The following AUTS2 variants were observed in gnomAD, a reference collection of about 807,000 sequenced individuals.
AUTS2 encodes autism susceptibility gene 2 protein.
A neutral mutation model predicts 112.4 loss-of-function variants in AUTS2; 17 were observed. That is an observed-to-expected ratio of 0.15 (90% CI 0.10 to 0.23). The LOEUF (loss-of-function observed/expected upper bound fraction) is 0.23, where lower values mean the gene tolerates loss of function less well. Among genes scored for constraint, AUTS2 ranks in the 10% least tolerant of loss-of-function variants. AUTS2 has a pLI of 1.00. For missense variants in AUTS2, 1,510 were observed against 1,701.6 expected (o/e 0.89, Z 1.98); for synonymous variants, 751 against 702.7 (o/e 1.07, Z -1.09).
chr7:70,191,711 T>C (rs1381773347), intron 4 of AUTS2, among the ~76,000 whole-genome samples: 1 of 152,182 alleles, frequency 6.6e-6, no homozygotes, highest in Non-Finnish European at 1.5e-5. Context: ...TGCAACAGAT[T>C]GTTTGTAACC....
intron 4 of AUTS2, among the ~76,000 whole-genome samples, chr7:70,336,887 T>G (rs911542720): frequency 6.6e-6 from 1 of 152,218 alleles, no homozygotes; most frequent in Non-Finnish European, 1.5e-5. Context: ...CTACTTCTCC[T>G]TTAGAAGCTT....
At position 70,135,286 on chromosome 7, in the gene AUTS2, T is replaced by C. The variant is rs940136988; in HGVS notation, c.660+715T>C. Among the ~76,000 whole-genome samples, 3 of 152,238 alleles carry C rather than the reference T, an allele frequency of 2.0e-5. No homozygotes were observed. In the East Asian group the frequency reaches 5.8e-4, roughly 29 times the overall value. On this transcript the variant is annotated intron_variant, in intron 4 of 18. Coordinates refer to ENST00000342771, the MANE Select transcript of AUTS2 (RefSeq NM_015570.4). Reference sequence around the variant, plus strand: ...CTCCTTTCTGGATTTAGTGACCCTTTTCAAGATACAAATGAAAAAGAGTGA... The same window carrying C: ...CTCCTTTCTGGATTTAGTGACCCTTCTCAAGATACAAATGAAAAAGAGTGA...
At chr7:70,298,648 T>A (rs892125897) in intron 4 of AUTS2, among the ~76,000 whole-genome samples, 1 of 152,210 alleles carries the variant, frequency 6.6e-6, no homozygotes, top group African/African-American at 2.4e-5. Context: ...GGCTGAGGCA[T>A]GAAGGATCTA....
chr7:69,817,606 G>A (rs1414612320), intron 1 of AUTS2, among the ~76,000 whole-genome samples: 1 of 152,210 alleles, frequency 6.6e-6, no homozygotes, highest in Non-Finnish European at 1.5e-5. Flanking sequence ...GTTGCTGAGG[G>A]AGGGGACTTT....
intron 2 of AUTS2, among the ~76,000 whole-genome samples, chr7:69,916,849 A>G (rs936413287): frequency 6.6e-6 from 1 of 152,172 alleles, no homozygotes; most frequent in Admixed American, 6.5e-5. Flanking sequence ...CTGACTTCTC[A>G]GCCTCTAATC....
At chr7:70,328,654 G>A (rs6460543) in intron 4 of AUTS2, among the ~76,000 whole-genome samples, 44,207 of 151,996 alleles carry the variant, frequency 0.29, 6,748 homozygotes, top group African/African-American at 0.38. Flanking sequence ...AAGTTTCTGT[G>A]CAAGAGAGCA....
At chr7:70,465,466 T>C (rs1315589444) in intron 5 of AUTS2, among the ~76,000 whole-genome samples, 2 of 152,180 alleles carry the variant, frequency 1.3e-5, no homozygotes, top group Admixed American at 6.5e-5. Flanking sequence ...GTAAAATCCT[T>C]GGATATTTTC....
chr7:69,609,627 C>G (rs1792920024), intron 1 of AUTS2, among the ~76,000 whole-genome samples: 1 of 152,172 alleles, frequency 6.6e-6, no homozygotes, highest in Non-Finnish European at 1.5e-5. Context: ...GCCTAGCAAT[C>G]TGTGGAAACT....
chr7:70,638,511 G>A (rs571667277), intron 5 of AUTS2, among the ~76,000 whole-genome samples: 7 of 152,082 alleles, frequency 4.6e-5, no homozygotes, highest in South Asian at 2.1e-4. Context: ...TTATGCCGTC[G>A]TTGGCATTAC....
chr7:69,745,938 A>G (rs1173880223), intron 1 of AUTS2, among the ~76,000 whole-genome samples: 1 of 152,192 alleles, frequency 6.6e-6, no homozygotes, highest in Non-Finnish European at 1.5e-5. Context: ...CAGGAGCACG[A>G]TCATAGCTCA....
Position 69,614,775 on chromosome 7 carries a change from C to T in AUTS2, c.309+14813C>T, listed in dbSNP as rs79862875. 1.6e-3 allele frequency among the ~76,000 whole-genome samples: 245 copies of T among 152,254 alleles called. 1 individual carries two copies. Among genetic ancestry groups the T allele is most frequent in the African/African-American group, 4.5e-3 (185 of 41,530 alleles). The stretch of plus-strand genomic sequence containing the variant: ...CTGGGATTACAGGTGTGAGCCACTG[C>T]GCCCATCTGAGTGTCCGTATGAAGA... On this transcript the variant is annotated intron_variant, in intron 1 of 18. Transcript: ENST00000342771.
intron 5 of AUTS2, among the ~76,000 whole-genome samples, chr7:70,465,877 C>A (rs1307898112): frequency 6.6e-6 from 1 of 151,538 alleles, no homozygotes; most frequent in Non-Finnish European, 1.5e-5. Flanking sequence ...AGGCTGCTTG[C>A]TGGGGGAGAC....
chr7:70,031,499 C>T (rs1321653348), intron 2 of AUTS2, among the ~76,000 whole-genome samples: 1 of 152,124 alleles, frequency 6.6e-6, no homozygotes, highest in Non-Finnish European at 1.5e-5. Flanking sequence ...TTAGTTCAAT[C>T]AGCCATAAAG....
At position 70,546,111 on chromosome 7, in the gene AUTS2, A is replaced by T. The variant is rs567446382; in HGVS notation, c.690+110330A>T. On this transcript the variant is annotated intron_variant, in intron 5 of 18. Transcript: ENST00000342771. The stretch of plus-strand genomic sequence containing the variant: ...TGCTTGGAAAATTAACAAAATTAAA[A>T]TTTACATATAGATCAGTGAAAACAC... Among the ~76,000 whole-genome samples the T allele has an allele frequency of 3.3e-5, 5 of 152,318 alleles. No homozygotes were observed. In the South Asian group the frequency reaches 1.0e-3, roughly 32 times the overall value.
intron 6 of AUTS2, among the ~76,000 whole-genome samples, chr7:70,761,463 AG>A (rs1291371468): frequency 1.8e-4 from 28 of 152,368 alleles, no homozygotes; most frequent in African/African-American, 6.7e-4. Flanking sequence ...TTCATTTCAA[AG>A]GATGTTGTCA....
intron 1 of AUTS2, among the ~76,000 whole-genome samples, chr7:69,790,263 C>A (rs1789556872): frequency 6.6e-6 from 1 of 152,140 alleles, no homozygotes; most frequent in Non-Finnish European, 1.5e-5. Context: ...TGCACTCCAG[C>A]CTAGGTGACA....
At chr7:70,544,640 C>CTT (rs1265742832) in intron 5 of AUTS2, among the ~76,000 whole-genome samples, 6 of 152,138 alleles carry the variant, frequency 3.9e-5, no homozygotes, top group Non-Finnish European at 7.4e-5. Context: ...TAGGATTTGT[C>CTT]TTTCGTTGTT....
intron 4 of AUTS2, among the ~76,000 whole-genome samples, chr7:70,252,742 C>T (rs1220887161): frequency 6.6e-6 from 1 of 151,970 alleles, no homozygotes; most frequent in Non-Finnish European, 1.5e-5. Flanking sequence ...GTTTTCAGTC[C>T]ATTTTGAGTT....
chr7:69,652,792 C>T (rs965406627), intron 1 of AUTS2, among the ~76,000 whole-genome samples: 2 of 152,010 alleles, frequency 1.3e-5, no homozygotes, highest in African/African-American at 4.8e-5. Flanking sequence ...ATAGTGGGGG[C>T]TGGAGGAACT....
Sources: gnomAD v4.1 joint callset for allele counts (sites outside exome capture counted in the v4.1 genomes callset) on GRCh38, gnomAD v4.1.1 for gene constraint, MANE v1.5 for transcripts, NCBI Gene and HGNC (gene_info 2026-07-23, HGNC 2026-07-21) for gene names.